Variants in TSPAN18 observed in about 807,000 individuals in gnomAD.
TSPAN18 encodes the protein tetraspanin-18.
A neutral mutation model predicts 27.3 loss-of-function variants in TSPAN18; 14 were observed. That is an observed-to-expected ratio of 0.51 (90% CI 0.34 to 0.80). The LOEUF is 0.80. Ranked by LOEUF, TSPAN18 falls within the 30% of genes least tolerant of loss-of-function variation. The probability of loss-of-function intolerance (pLI) is 0.01; values close to 1 mark genes in which losing one functional copy is unlikely to be tolerated. For missense variants in TSPAN18, 268 were observed against 323.9 expected, an observed-to-expected ratio of 0.83 and a Z score of 1.32; for synonymous variants, 143 against 136.5, an observed-to-expected ratio of 1.05 and a Z score of -0.33.
At chr11:44,766,378 T>G (rs1855567415) in intron 2 of TSPAN18, among the ~76,000 whole-genome samples, 1 of 152,142 alleles carries the variant, frequency 6.6e-6, no homozygotes. Context: ...ACCATAATCT[T>G]AATTGTAAAC....
intron 2 of TSPAN18, among the ~76,000 whole-genome samples, chr11:44,857,515 C>T (rs1452940663): frequency 6.6e-6 from 1 of 152,202 alleles, no homozygotes; most frequent in Admixed American, 6.5e-5. Flanking sequence ...GATGTATTCC[C>T]CTGGTTGGAG....
intron 3 of TSPAN18, among the ~76,000 whole-genome samples, chr11:44,865,034 T>C (rs1857999586): frequency 6.6e-6 from 1 of 152,148 alleles, no homozygotes; most frequent in Non-Finnish European, 1.5e-5. Flanking sequence ...TCAGCCGGGG[T>C]GGTTGGACAT....
chr11:44,843,968 T>C lies in TSPAN18; in HGVS notation c.-152-16360T>C, dbSNP rs545048000. On this transcript the variant is annotated intron_variant, in intron 2 of 9. Transcript: ENST00000520358. The stretch of plus-strand genomic sequence containing the variant: ...TTACAGGGTCCTGAGACGTTATACA[T>C]CCTTCTCAGCTGACAGGATTAAGAG... 1.3e-3 allele frequency among the ~76,000 whole-genome samples: 192 copies of C among 152,326 alleles called. 4 individuals carry two copies. In the South Asian group the frequency reaches 0.037, roughly 29 times the overall value.
chr11:44,873,612 G>A (rs920507617), intron 3 of TSPAN18, among the ~76,000 whole-genome samples: 2 of 152,242 alleles, frequency 1.3e-5, no homozygotes, highest in South Asian at 4.1e-4. Flanking sequence ...GTGGCTGAAA[G>A]CCCAGTCCCT....
At chr11:44,786,434 T>C (rs903377584) in intron 2 of TSPAN18, among the ~76,000 whole-genome samples, 9 of 151,986 alleles carry the variant, frequency 5.9e-5, no homozygotes, top group African/African-American at 2.2e-4. Context: ...AAGCTGGCGT[T>C]GGGTAGGTTC....
intron 3 of TSPAN18, among the ~76,000 whole-genome samples, chr11:44,899,332 G>C (rs974894743): frequency 6.6e-6 from 1 of 152,214 alleles, no homozygotes; most frequent in Non-Finnish European, 1.5e-5. Flanking sequence ...TAGTCTAATT[G>C]CTCCAAAACC....
intron 2 of TSPAN18, among the ~76,000 whole-genome samples, chr11:44,771,564 A>G (rs542122974): frequency 2.6e-5 from 4 of 152,342 alleles, no homozygotes; most frequent in African/African-American, 9.6e-5. Flanking sequence ...CTGGTAGAAT[A>G]TACAGTCAGC....
chr11:44,829,193 T>TAA (rs1857105513), intron 2 of TSPAN18, among the ~76,000 whole-genome samples: 1 of 152,220 alleles, frequency 6.6e-6, no homozygotes. Flanking sequence ...TGCGATTAAC[T>TAA]AAAGTTCATA....
At chr11:44,789,727 A>C (rs1435971699) in intron 2 of TSPAN18, among the ~76,000 whole-genome samples, 1 of 152,224 alleles carries the variant, frequency 6.6e-6, no homozygotes, top group Non-Finnish European at 1.5e-5. Flanking sequence ...AAAATACCCC[A>C]GATCAGTAGG....
At chr11:44,891,207 A>C (rs931553670) in intron 3 of TSPAN18, among the ~76,000 whole-genome samples, 2 of 152,050 alleles carry the variant, frequency 1.3e-5, no homozygotes, top group Admixed American at 6.6e-5. Flanking sequence ...TTTCAATATA[A>C]ATGGTTTCCT....
At chr11:44,747,491 C>A (rs1855107732) in intron 1 of TSPAN18, among the ~76,000 whole-genome samples, 2 of 152,170 alleles carry the variant, frequency 1.3e-5, no homozygotes, top group African/African-American at 4.8e-5. Context: ...CTGGTTTGTA[C>A]TGAGCTGCTC....
chr11:44,861,793 T>TCACACACACACACACACACA (rs56816197), intron 3 of TSPAN18, among the ~76,000 whole-genome samples: 1 of 132,046 alleles, frequency 7.6e-6, no homozygotes, highest in East Asian at 2.3e-4. Flanking sequence ...AGCCCAAATT[T>TCACACACACACACACACACA]CACACACACA....
chr11:44,841,005 T>C (rs970796202), intron 2 of TSPAN18, among the ~76,000 whole-genome samples: 3 of 152,148 alleles, frequency 2.0e-5, no homozygotes, highest in African/African-American at 7.2e-5. Flanking sequence ...TACTTGAGCA[T>C]TTTCATCCCT....
intron 2 of TSPAN18, among the ~76,000 whole-genome samples, chr11:44,836,740 AGTGCTCATTTACC>A (rs1232647228): frequency 6.6e-6 from 1 of 152,250 alleles, no homozygotes; most frequent in East Asian, 1.9e-4. Flanking sequence ...AGCTGATGCC[AGTGCTCATTTACC>A]ATTTTGAAAA....
chr11:44,793,526 C>T (rs1211687018), intron 2 of TSPAN18, among the ~76,000 whole-genome samples: 5 of 152,146 alleles, frequency 3.3e-5, no homozygotes, highest in East Asian at 1.9e-4. Flanking sequence ...AGAGCAGCAA[C>T]GGCGTTGCTA....
intron 2 of TSPAN18, among the ~76,000 whole-genome samples, chr11:44,787,644 T>C (rs1327546288): frequency 6.6e-6 from 1 of 151,872 alleles, no homozygotes; most frequent in Non-Finnish European, 1.5e-5. Flanking sequence ...CTTACGAGGG[T>C]TAAAGAGAGA....
chr11:44,800,544 G>A (rs1856457081), intron 2 of TSPAN18, among the ~76,000 whole-genome samples: 1 of 152,238 alleles, frequency 6.6e-6, no homozygotes, highest in Non-Finnish European at 1.5e-5. Flanking sequence ...CTGGCTGTAT[G>A]AAGTTCCCCT....
At chr11:44,790,340 CAT>C (rs1208491911) in intron 2 of TSPAN18, among the ~76,000 whole-genome samples, 3 of 134,362 alleles carry the variant, frequency 2.2e-5, no homozygotes, top group South Asian at 2.5e-4. Flanking sequence ...CGCATGTGTG[CAT>C]GTGTTGGTGT....
intron 1 of TSPAN18, among the ~76,000 whole-genome samples, chr11:44,727,686 A>G (rs1411588304): frequency 6.6e-6 from 1 of 152,098 alleles, no homozygotes; most frequent in Non-Finnish European, 1.5e-5. Flanking sequence ...CCACCCGGTA[A>G]GACAGTGAGG....
Sources: allele counts gnomAD v4.1 joint callset (sites outside exome capture counted in the v4.1 genomes callset), GRCh38; gene constraint gnomAD v4.1.1; transcripts MANE v1.5; gene names NCBI Gene and HGNC (gene_info 2026-07-23, HGNC 2026-07-21).